The following DNAJC10 variants were observed in gnomAD, a reference collection of about 807,000 sequenced individuals.
The protein encoded by DNAJC10 is DnaJ heat shock protein family (Hsp40) member C10.
Under a neutral mutation model 115.0 loss-of-function variants are expected in DNAJC10, and 101 were observed. That is an observed-to-expected ratio of 0.88 (90% CI 0.75 to 1.04). The LOEUF (loss-of-function observed/expected upper bound fraction) is 1.04. DNAJC10 is among the 50% of genes least tolerant of loss of function. DNAJC10 has a pLI of 0.00. For synonymous variants in DNAJC10, 307 were observed against 301.5 expected (o/e 1.02, Z -0.19); for missense variants, 981 against 928.8 (o/e 1.06, Z -0.73).
At chr2:182,718,357 T>C in intron 3 of DNAJC10, 67 bp downstream of exon 3, 2 of 1,243,814 alleles carry the variant, frequency 1.6e-6, no homozygotes, top group South Asian at 3.1e-5. Flanking sequence ...TTTATTTAAA[T>C]TGCTTTAAAT....
At chr2:182,766,235 A>G (rs1295306394) in intron 22 of DNAJC10, among the ~76,000 whole-genome samples, 1 of 152,212 alleles carries the variant, frequency 6.6e-6, no homozygotes, top group African/African-American at 2.4e-5. Flanking sequence ...GGACTCGCAA[A>G]AAAGCAGGAG....
At chr2:182,753,463 TAAAC>T (rs1237380588) in intron 16 of DNAJC10, among the ~76,000 whole-genome samples, 1 of 151,202 alleles carries the variant, frequency 6.6e-6, no homozygotes, top group Non-Finnish European at 1.5e-5. Flanking sequence ...TAAAAGGAAA[TAAAC>T]AAGGCCTTTG....
intron 11 of DNAJC10, 43 bp from the exon 12 acceptor site, chr2:182,740,256 A>G: frequency 7.9e-7 from 1 of 1,272,966 alleles, no homozygotes; most frequent in South Asian, 1.8e-5. Flanking sequence ...AAATATAATG[A>G]ATATTTATTC....
intron 16 of DNAJC10, among the ~76,000 whole-genome samples, chr2:182,754,200 A>C (rs1263269382): frequency 6.6e-6 from 1 of 152,222 alleles, no homozygotes; most frequent in Non-Finnish European, 1.5e-5. Context: ...TTGCTTTGTT[A>C]ATCAGTGAAT....
intron 3 of DNAJC10, among the ~76,000 whole-genome samples, chr2:182,719,156 G>A (rs140482687): frequency 2.4e-3 from 359 of 150,358 alleles, no homozygotes; most frequent in African/African-American, 8.5e-3. Flanking sequence ...TCTACCATCC[G>A]AGTATTATTT....
In DNAJC10 at chr2:182,778,351, A is replaced by G. The variant is rs1161623326; in HGVS notation, c.*1219A>G. The G allele has an allele frequency of 6.6e-6, 1 of 152,182 alleles. No homozygotes were observed. The highest frequency in any genetic ancestry group is 1.5e-5 in the Non-Finnish European group (1 of 68,026). 9.4% of individuals were successfully genotyped at this position (152,182 alleles called of 1,614,324 possible). ...ATAAGAAAATCAAGTATATAAATCT[A>G]GGAAAGGGATCTTCTAGTTTCTGTG... is the stretch of plus-strand genomic sequence containing the variant. On this transcript the variant is annotated 3_prime_UTR_variant, in exon 24 of 24. Coordinates refer to ENST00000264065, the MANE Select transcript of DNAJC10 (RefSeq NM_018981.4).
At chr2:182,732,776 AT>A in intron 10 of DNAJC10, 3 of 510,492 alleles carry the variant, frequency 5.9e-6, no homozygotes, top group Non-Finnish European at 1.0e-5. Context: ...GTATTCTGTA[AT>A]TTATAAGTTC....
chr2:182,725,725 A>C (rs188383490), intron 5 of DNAJC10, among the ~76,000 whole-genome samples: 84 of 152,338 alleles, frequency 5.5e-4, no homozygotes, highest in Admixed American at 5.1e-3. Flanking sequence ...TAACATCAAA[A>C]TACAAGATGA....
At chr2:182,775,049 G>T (rs1241161096) in intron 22 of DNAJC10, among the ~76,000 whole-genome samples, 1 of 147,578 alleles carries the variant, frequency 6.8e-6, no homozygotes, top group African/African-American at 2.5e-5. Flanking sequence ...TCGATGTTTT[G>T]AGGCTTTTGG....
At chr2:182,744,199 A>G (rs1316401235) in intron 14 of DNAJC10, among the ~76,000 whole-genome samples, 3 of 152,162 alleles carry the variant, frequency 2.0e-5, no homozygotes, top group Non-Finnish European at 4.4e-5. Flanking sequence ...CTCAATTCCA[A>G]GAGTTTGGAC....
rs371996637 is a variant in DNAJC10, at chr2:182,788,416, C to G, written c.*11284C>G. 4.6e-6 allele frequency: 1 copy of G among 216,280 alleles called. No homozygotes were observed. Among genetic ancestry groups the G allele is most frequent in the African/African-American group, 2.4e-5 (1 of 42,180 alleles). The allele number at this position is 216,280 out of a possible 1,614,324, so 13.4% of individuals were successfully genotyped here. On this transcript the variant is annotated 3_prime_UTR_variant, in exon 24 of 24. Coordinates refer to ENST00000264065, the MANE Select transcript of DNAJC10 (RefSeq NM_018981.4). ...TTGGTTACCTATGTACCTGTTACCA[C>G]TTGCAGAAATCAACAGACAAGGTGG...
At chr2:182,763,429 C>T (rs1340323991) in intron 22 of DNAJC10, among the ~76,000 whole-genome samples, 1 of 152,094 alleles carries the variant, frequency 6.6e-6, no homozygotes, top group Non-Finnish European at 1.5e-5. Context: ...CAAGATAGCT[C>T]TTCTAAGAGA....
rs929141125 is a variant in DNAJC10 at position 182,786,352 on chromosome 2, T to TGA, written c.*9222_*9223dup. 3 of 152,172 alleles carry TGA rather than the reference T, an allele frequency of 2.0e-5. No homozygotes were observed. The highest frequency in any genetic ancestry group is 4.4e-5 in the Non-Finnish European group (3 of 68,032). 9.4% of individuals were successfully genotyped at this position (152,172 alleles called of 1,614,324 possible). A position where few individuals can be genotyped will look rare whatever the true frequency, so the allele number is the denominator to read the frequency against. ...CATTACTTCCTTTCAGCGTGGAGCC[T>TGA]GAGCATCATTTCACCATTTTGAGCC... is the stretch of plus-strand genomic sequence containing the variant. On this transcript the variant is annotated 3_prime_UTR_variant, in exon 24 of 24. Coordinates refer to ENST00000264065, the MANE Select transcript of DNAJC10 (RefSeq NM_018981.4).
At chr2:182,770,514 T>C (rs1427962557) in intron 22 of DNAJC10, among the ~76,000 whole-genome samples, 1 of 152,220 alleles carries the variant, frequency 6.6e-6, no homozygotes, top group East Asian at 1.9e-4. Flanking sequence ...GTAGTTCTCC[T>C]TGAAGAGGTC....
intron 19 of DNAJC10, 109 bp from the exon 20 acceptor site, chr2:182,758,728 G>A (rs1694217852): frequency 3.9e-6 from 3 of 773,006 alleles, no homozygotes; most frequent in African/African-American, 3.5e-5. Context: ...GATACCAGAT[G>A]AAATCAATCA....
At chr2:182,730,878 TACTC>T (rs2105624390) in intron 8 of DNAJC10, 148 bp from the exon 9 acceptor site, 1 of 550,430 alleles carries the variant, frequency 1.8e-6, no homozygotes, top group East Asian at 3.0e-5. Context: ...GAATTTGTCA[TACTC>T]AAGAGTATCT....
intron 22 of DNAJC10, among the ~76,000 whole-genome samples, chr2:182,767,911 T>C (rs1694456265): frequency 1.3e-5 from 2 of 152,092 alleles, no homozygotes; most frequent in Admixed American, 6.6e-5. Context: ...GGAGTTACAT[T>C]CTCATGCACA....
chr2:182,717,386 C>T (rs1489393968), intron 2 of DNAJC10, among the ~76,000 whole-genome samples: 4 of 152,116 alleles, frequency 2.6e-5, no homozygotes, highest in Non-Finnish European at 5.9e-5. Context: ...GTATAAGCAC[C>T]TTCTGAGGAA....
At chr2:182,728,153 T>C (rs1693338848) in intron 5 of DNAJC10, among the ~76,000 whole-genome samples, 1 of 152,236 alleles carries the variant, frequency 6.6e-6, no homozygotes, top group Non-Finnish European at 1.5e-5. Context: ...GTGCTGCATG[T>C]AATAGAAGAG....
Sources: allele counts gnomAD v4.1 joint callset (sites outside exome capture counted in the v4.1 genomes callset), GRCh38; gene constraint gnomAD v4.1.1; transcripts MANE v1.5; gene names NCBI Gene and HGNC (gene_info 2026-07-23, HGNC 2026-07-21).